Variants in TENM4 observed in about 807,000 individuals in gnomAD.
TENM4 encodes the protein teneurin transmembrane protein 4, also known as teneurin-4.
In TENM4, 82 loss-of-function variants were observed where a neutral mutation model predicts 243.3. The observed-to-expected ratio is 0.34, with a 90% CI of 0.28 to 0.40. TENM4 has a LOEUF of 0.40. TENM4 is among the 10% of genes least tolerant of loss of function. The probability of loss-of-function intolerance (pLI) is 1.00; values close to 1 mark genes in which losing one functional copy is unlikely to be tolerated. For missense variants in TENM4, 3,138 were observed against 3,673.3 expected (o/e 0.85, Z 3.77); for synonymous variants, 1,412 against 1,456.3 (o/e 0.97, Z 0.69).
intron 32 of TENM4, among the ~76,000 whole-genome samples, chr11:78,667,983 C>T (rs1858199458): frequency 6.6e-6 from 1 of 152,208 alleles, no homozygotes; most frequent in African/African-American, 2.4e-5. Context: ...GGAGACATCC[C>T]TGCCTGTGGG....
At chr11:79,091,402 T>C (rs1334350173) in intron 4 of TENM4, among the ~76,000 whole-genome samples, 1 of 152,006 alleles carries the variant, frequency 6.6e-6, no homozygotes, top group Admixed American at 6.5e-5. Context: ...TTCTAGGTGT[T>C]GGAGATATAA....
chr11:78,880,931 C>A (rs917417811), intron 9 of TENM4, among the ~76,000 whole-genome samples: 2 of 151,720 alleles, frequency 1.3e-5, no homozygotes, highest in African/African-American at 4.8e-5. Context: ...TTCAAAGGGG[C>A]ATGAGGGAAC....
At chr11:78,858,145 C>G (rs1329614422) in intron 10 of TENM4, among the ~76,000 whole-genome samples, 2 of 152,092 alleles carry the variant, frequency 1.3e-5, no homozygotes, top group Non-Finnish European at 2.9e-5. Context: ...GCTGGAGAAC[C>G]CTGCACAGTT....
chr11:78,700,381 T>C (rs1226471182), intron 28 of TENM4, among the ~76,000 whole-genome samples: 1 of 152,150 alleles, frequency 6.6e-6, no homozygotes, highest in Non-Finnish European at 1.5e-5. Flanking sequence ...GTAAAATGGA[T>C]AATATCACCC....
chr11:79,146,802 C>T (rs1262593607), intron 4 of TENM4, among the ~76,000 whole-genome samples: 1 of 152,052 alleles, frequency 6.6e-6, no homozygotes, highest in Non-Finnish European at 1.5e-5. Context: ...GAAAACTGTA[C>T]CACTCTTATC....
intron 7 of TENM4, among the ~76,000 whole-genome samples, chr11:78,902,500 G>A (rs12276381): frequency 0.02 from 3,106 of 152,270 alleles, 113 homozygotes; most frequent in African/African-American, 0.071. Context: ...AGGTGAAGCA[G>A]CACTGGACAG....
intron 2 of TENM4, among the ~76,000 whole-genome samples, chr11:79,234,704 G>A (rs1864431326): frequency 6.6e-6 from 1 of 152,172 alleles, no homozygotes; most frequent in Non-Finnish European, 1.5e-5. Context: ...CCTTTTAAGT[G>A]ACACCTGCTG....
At chr11:78,693,617 AG>A (rs1181312251) in intron 28 of TENM4, among the ~76,000 whole-genome samples, 1 of 152,208 alleles carries the variant, frequency 6.6e-6, no homozygotes, top group Non-Finnish European at 1.5e-5. Context: ...GGGGTATGAT[AG>A]GGATGACCAG....
intron 12 of TENM4, among the ~76,000 whole-genome samples, chr11:78,837,089 G>C (rs553604): frequency 0.55 from 83,805 of 152,026 alleles, 26,393 homozygotes; most frequent in African/African-American, 0.85. Flanking sequence ...TGACAAAAGT[G>C]TTGTCTTTCT....
At chr11:79,008,707 C>T (rs773336931) in intron 6 of TENM4, among the ~76,000 whole-genome samples, 8 of 152,008 alleles carry the variant, frequency 5.3e-5, no homozygotes, top group Non-Finnish European at 1.0e-4. Flanking sequence ...TAAATAATGA[C>T]ATCATGAACA....
intron 19 of TENM4, among the ~76,000 whole-genome samples, chr11:78,745,662 C>A (rs1856034253): frequency 6.6e-6 from 1 of 152,166 alleles, no homozygotes; most frequent in Non-Finnish European, 1.5e-5. Context: ...TAGAAATAAA[C>A]CAGTCTTGCT....
In TENM4 at chr11:78,702,200, G is replaced by T; in HGVS notation, c.4413C>A (p.Thr1471=). 3.1e-6 allele frequency: 5 copies of T among 1,613,992 alleles called. No homozygotes were observed. Among genetic ancestry groups the T allele is most frequent in the Non-Finnish European group, 4.2e-6 (5 of 1,179,898 alleles). The change falls in exon 28 of 34, where the codon ACC becomes ACA. Residue 1471 remains threonine, a synonymous_variant. Transcript: ENST00000278550. ...VAIHATLESA[T]ALAVSHNGVL... The stretch of plus-strand genomic sequence containing the variant: ...CCCCATTGTGTGAAACAGCCAAAGC[G>T]GTGGCTGACTCCAGGGTTGCGTGGA...
chr11:79,103,192 C>A, intron 4 of TENM4, among the ~76,000 whole-genome samples: 1 of 152,154 alleles, frequency 6.6e-6, no homozygotes, highest in East Asian at 1.9e-4. Flanking sequence ...TTAGGCTCTC[C>A]CCACAATCCA....
intron 6 of TENM4, 57 bp downstream of exon 6, chr11:79,064,681 A>C: frequency 3.9e-6 from 6 of 1,542,726 alleles, no homozygotes; most frequent in African/African-American, 2.7e-5. Context: ...CAATATTATA[A>C]ATAAAACCCC....
intron 3 of TENM4, among the ~76,000 whole-genome samples, chr11:79,198,767 C>G (rs564632593): frequency 1.4e-4 from 22 of 152,328 alleles, no homozygotes; most frequent in African/African-American, 5.3e-4. Flanking sequence ...AGAGGGAGGA[C>G]AGTGGCATTG....
intron 6 of TENM4, among the ~76,000 whole-genome samples, chr11:78,980,191 A>G (rs1374436673): frequency 1.3e-5 from 2 of 152,230 alleles, no homozygotes; most frequent in East Asian, 3.8e-4. Flanking sequence ...AATAACAACA[A>G]TGATAATAAT....
In TENM4 at chr11:78,854,259, C is replaced by T. The variant is rs150761356; in HGVS notation, c.1526G>A (p.Ser509Asn). The T allele has an allele frequency of 6.5e-7, 1 of 1,543,654 alleles. No individual in the cohort carries two copies. The highest frequency in any genetic ancestry group is 1.4e-5 in the African/African-American group (1 of 72,812). ...GRRLLTQEAR[S>N]LEGTPRQSRG... is the part of the protein sequence containing the mutation. Reference sequence around the variant, plus strand: ...AGACTGGCGCGGGGTCCCCTCTAGGCTCCGCGCCTCCTGGGTTAGGAGCCT... The same window carrying T: ...AGACTGGCGCGGGGTCCCCTCTAGGTTCCGCGCCTCCTGGGTTAGGAGCCT... The change falls in exon 12 of 34, where the codon AGC becomes AAC. Residue 509 changes from serine (S) to asparagine (N), a missense_variant. Around this residue, in one of 2 missense-constraint regions of TENM4, gnomAD observed 2,467 missense variants for 3,059.1 expected, o/e 0.81. Coordinates refer to ENST00000278550, the MANE Select transcript of TENM4 (RefSeq NM_001098816.3).
intron 6 of TENM4, among the ~76,000 whole-genome samples, chr11:78,926,601 T>C (rs1299764256): frequency 1.3e-5 from 2 of 151,980 alleles, no homozygotes; most frequent in Non-Finnish European, 2.9e-5. Flanking sequence ...ATAAACCTTT[T>C]ACTAAAATGT....
intron 4 of TENM4, among the ~76,000 whole-genome samples, chr11:79,104,223 C>T (rs1476185841): frequency 6.6e-6 from 1 of 152,170 alleles, no homozygotes. Flanking sequence ...CCTTGTCTTT[C>T]CCCAGCAAGA....
Sources: allele counts gnomAD v4.1 joint callset (sites outside exome capture counted in the v4.1 genomes callset), GRCh38; gene constraint gnomAD v4.1.1; regional missense constraint gnomAD v4.1.1; transcripts MANE v1.5; gene names NCBI Gene and HGNC (gene_info 2026-07-23, HGNC 2026-07-21).